Variants in PKIG observed in about 807,000 individuals in gnomAD.
The protein encoded by PKIG is cAMP-dependent protein kinase inhibitor gamma.
A neutral mutation model predicts 6.8 loss-of-function variants in PKIG; 1 was observed. The ratio of observed to expected loss-of-function variants is 0.15; its 90% CI spans 0.05 to 0.69. PKIG has a LOEUF of 0.69. Ranked by LOEUF, PKIG falls within the 30% of genes least tolerant of loss-of-function variation. The pLI, the probability that PKIG is intolerant of heterozygous loss-of-function variation, is 0.82. For missense variants in PKIG, 77 were observed against 104.0 expected (o/e 0.74, Z 1.13); for synonymous variants, 39 against 43.0 (o/e 0.91, Z 0.36).
intron 1 of PKIG, among the ~76,000 whole-genome samples, chr20:44,586,664 A>G (rs375311658): frequency 3.9e-5 from 6 of 152,350 alleles, no homozygotes; most frequent in East Asian, 1.9e-4. Flanking sequence ...GCCAGAAGCA[A>G]TTCCTAAGTG....
chr20:44,591,504 C>G (rs1008576454), intron 2 of PKIG, among the ~76,000 whole-genome samples: 23 of 151,778 alleles, frequency 1.5e-4, no homozygotes, highest in African/African-American at 4.8e-4. Context: ...CACCTCTCTT[C>G]TTAGCGCCTG....
At chr20:44,566,962 C>T (rs2123270981) in intron 1 of PKIG, among the ~76,000 whole-genome samples, 1 of 152,310 alleles carries the variant, frequency 6.6e-6, no homozygotes, top group Middle Eastern at 3.4e-3. Flanking sequence ...CATGAATTAT[C>T]CAAGATCTGT....
intron 1 of PKIG, among the ~76,000 whole-genome samples, chr20:44,583,817 A>C (rs1186934540): frequency 6.6e-6 from 1 of 152,198 alleles, no homozygotes; most frequent in Admixed American, 6.5e-5. Flanking sequence ...TTATGGCTTT[A>C]GGAGCAAAGG....
chr20:44,550,309 A>G (rs1259418187), intron 1 of PKIG, among the ~76,000 whole-genome samples: 1 of 151,838 alleles, frequency 6.6e-6, no homozygotes, highest in Non-Finnish European at 1.5e-5. Context: ...TCAAGGCAAT[A>G]TTGTAGTGAT....
intron 1 of PKIG, among the ~76,000 whole-genome samples, chr20:44,572,424 G>T (rs1472073646): frequency 2.0e-5 from 3 of 152,164 alleles, no homozygotes; most frequent in African/African-American, 7.2e-5. Flanking sequence ...AAGCCTTAAA[G>T]AAAATATGTA....
intron 1 of PKIG, among the ~76,000 whole-genome samples, chr20:44,562,221 A>G (rs1452177799): frequency 6.6e-6 from 1 of 152,228 alleles, no homozygotes; most frequent in Non-Finnish European, 1.5e-5. Context: ...AAGCCAAAGT[A>G]TGATTCTTAG....
chr20:44,585,911 A>G (rs1215727341), intron 1 of PKIG, among the ~76,000 whole-genome samples: 1 of 152,190 alleles, frequency 6.6e-6, no homozygotes, highest in Non-Finnish European at 1.5e-5. Flanking sequence ...GGTAGCAGGT[A>G]AGAGCTCTCG....
chr20:44,578,410 G>A (rs530706390), upstream of PKIG, among the ~76,000 whole-genome samples: 140 of 151,908 alleles, frequency 9.2e-4, no homozygotes, highest in Non-Finnish European at 1.5e-3. Flanking sequence ...TAGTAGAGAC[G>A]GTGTTTCACC....
chr20:44,552,898 G>A (rs2064681574), intron 1 of PKIG, among the ~76,000 whole-genome samples: 2 of 152,040 alleles, frequency 1.3e-5, no homozygotes. Context: ...AGGCTCTGGG[G>A]AAGGTCTGGC....
chr20:44,594,541 C>T (rs750324007), intron 2 of PKIG, among the ~76,000 whole-genome samples: 18 of 152,240 alleles, frequency 1.2e-4, no homozygotes, highest in Admixed American at 2.0e-4. Flanking sequence ...CTCTGTTTTA[C>T]AAAAGAAGAA....
intron 1 of PKIG, among the ~76,000 whole-genome samples, chr20:44,556,777 T>C (rs2064717259): frequency 6.6e-6 from 1 of 152,210 alleles, no homozygotes; most frequent in African/African-American, 2.4e-5. Context: ...GTTGGCTTTA[T>C]TAGTTTTCTC....
intron 2 of PKIG, among the ~76,000 whole-genome samples, chr20:44,594,615 C>T (rs989473138): frequency 2.6e-5 from 4 of 152,158 alleles, no homozygotes; most frequent in Admixed American, 6.5e-5. Flanking sequence ...GGTGGAGCCC[C>T]GATTCATACA....
intron 1 of PKIG, among the ~76,000 whole-genome samples, chr20:44,569,136 G>GC (rs2064833794): frequency 1.3e-5 from 2 of 152,134 alleles, no homozygotes; most frequent in South Asian, 2.1e-4. Flanking sequence ...TCGTCAAATT[G>GC]CCCTTTAGGA....
intron 1 of PKIG, among the ~76,000 whole-genome samples, chr20:44,538,635 C>A (rs2064533854): frequency 6.6e-6 from 1 of 152,060 alleles, no homozygotes; most frequent in Non-Finnish European, 1.5e-5. Context: ...CTTCAATATA[C>A]ACATCTAAGA....
chr20:44,559,242 C>T (rs1480354561), intron 1 of PKIG, among the ~76,000 whole-genome samples: 2 of 152,138 alleles, frequency 1.3e-5, no homozygotes, highest in Non-Finnish European at 2.9e-5. Context: ...GATAATTCTT[C>T]CAGAAATTAT....
intron 1 of PKIG, among the ~76,000 whole-genome samples, chr20:44,565,307 T>C (rs1232472454): frequency 6.6e-6 from 1 of 152,246 alleles, no homozygotes; most frequent in Non-Finnish European, 1.5e-5. Context: ...GTAGTTATAA[T>C]GTACAGTGCT....
At chr20:44,538,503 C>T (rs2064532923) in intron 1 of PKIG, among the ~76,000 whole-genome samples, 1 of 152,124 alleles carries the variant, frequency 6.6e-6, no homozygotes, top group Non-Finnish European at 1.5e-5. Context: ...ACCTAATATA[C>T]TGAGCTTTAG....
chr20:44,546,497 T>C (rs898479557), intron 1 of PKIG, among the ~76,000 whole-genome samples: 4 of 152,120 alleles, frequency 2.6e-5, no homozygotes, highest in African/African-American at 9.7e-5. Context: ...CATTATAAAT[T>C]GTGCCCTGGT....
chr20:44,607,373 A>ATTTT (rs1404372234), intron 2 of PKIG, among the ~76,000 whole-genome samples: 1 of 111,450 alleles, frequency 9.0e-6, no homozygotes, highest in Non-Finnish European at 1.7e-5. Context: ...ATATATATAT[A>ATTTT]TATATTTTTT....
Sources: gnomAD v4.1 joint callset for allele counts (sites outside exome capture counted in the v4.1 genomes callset) on GRCh38, gnomAD v4.1.1 for gene constraint, MANE v1.5 for transcripts, NCBI Gene and HGNC (gene_info 2026-07-23, HGNC 2026-07-21) for gene names.